ICE2: variants seen among roughly 807,000 people sequenced by gnomAD.
The protein encoded by ICE2 is little elongation complex subunit 2.
In ICE2, 87 loss-of-function variants were observed where a neutral mutation model predicts 105.4. The observed-to-expected ratio is 0.83, with a 90% CI of 0.69 to 0.99. The LOEUF (loss-of-function observed/expected upper bound fraction) is 0.99. ICE2 is among the 50% of genes least tolerant of loss of function. The pLI is 0.00. For missense variants in ICE2, 1,323 were observed against 1,146.7 expected (o/e 1.15, Z -2.22); for synonymous variants, 399 against 392.0 (o/e 1.02, Z -0.21).
chr15:60,433,974 G>A (rs2063521428), intron 13 of ICE2, among the ~76,000 whole-genome samples: 1 of 152,026 alleles, frequency 6.6e-6, no homozygotes, highest in Admixed American at 6.6e-5. Flanking sequence ...TTTAGATCTG[G>A]GACCCTTAAA....
chr15:60,434,094 T>A (rs919296712), intron 13 of ICE2, among the ~76,000 whole-genome samples: 1 of 152,226 alleles, frequency 6.6e-6, no homozygotes, highest in Admixed American at 6.5e-5. Flanking sequence ...CTTAGCTGTG[T>A]GCTCTAGGGC....
Position 60,442,443 on chromosome 15 carries a change from A to G in ICE2, c.2398T>C (p.Leu800=). ...ACATAAAATGAGCTGTTGGAATGCA[A>G]TAAACTTTCAGTCCATAAGCGACAA... ...ELCRLWTESL[L]HSNSSFYVGH... The change falls in exon 12 of 16, where the codon TTG becomes CTG. Residue 800 remains leucine, a synonymous_variant. Coordinates refer to ENST00000261520, the MANE Select transcript of ICE2 (RefSeq NM_024611.6). 1 of 1,591,404 alleles carries G rather than the reference A, an allele frequency of 6.3e-7. No individual in the cohort carries two copies. Among genetic ancestry groups the G allele is most frequent in the African/African-American group, 1.4e-5 (1 of 73,974 alleles).
chr15:60,445,413 CAG>C (rs1276808834), intron 11 of ICE2: 2 of 239,062 alleles, frequency 8.4e-6, no homozygotes, highest in Middle Eastern at 2.1e-3. Flanking sequence ...TTTGGACAAA[CAG>C]AGATGAATAG....
intron 3 of ICE2, among the ~76,000 whole-genome samples, chr15:60,474,338 T>C (rs1305794320): frequency 6.6e-6 from 1 of 152,080 alleles, no homozygotes; most frequent in Non-Finnish European, 1.5e-5. Flanking sequence ...TATATATACG[T>C]ACCCTCCACT....
chr15:60,468,685 C>T (rs1223677554), intron 3 of ICE2, among the ~76,000 whole-genome samples: 4 of 152,236 alleles, frequency 2.6e-5, no homozygotes, highest in East Asian at 3.9e-4. Context: ...TACTTAAATT[C>T]ATCACTAAGA....
intron 3 of ICE2, among the ~76,000 whole-genome samples, chr15:60,470,818 T>C (rs146560832): frequency 2.8e-3 from 429 of 152,264 alleles, no homozygotes; most frequent in African/African-American, 9.4e-3. Flanking sequence ...CTTATAGGTA[T>C]AGGATATATT....
At chr15:60,432,323 G>A (rs2063480755) in intron 13 of ICE2, among the ~76,000 whole-genome samples, 4 of 151,620 alleles carry the variant, frequency 2.6e-5, no homozygotes, top group Non-Finnish European at 4.4e-5. Flanking sequence ...AAATAGCTGG[G>A]ACTACAGGCA....
At chr15:60,437,432 T>G (rs1307124598) in intron 12 of ICE2, among the ~76,000 whole-genome samples, 1 of 151,164 alleles carries the variant, frequency 6.6e-6, no homozygotes, top group Non-Finnish European at 1.5e-5. Flanking sequence ...CCTCCTCAGT[T>G]CAAGCGATCC....
chr15:60,449,378 A>G lies in ICE2; in HGVS notation c.1589T>C (p.Met530Thr), dbSNP rs1191189038. Reference sequence around the variant, plus strand: ...ATCAGCATGTAATATATCTATAGTCATATCATTTTTATTAGAAGTTTCAAT... The same window carrying G: ...ATCAGCATGTAATATATCTATAGTCGTATCATTTTTATTAGAAGTTTCAAT... The part of the protein sequence containing the change: ...QEIETSNKND[M>T]TIDILHADGE... The change falls in exon 10 of 16, where the codon ATG becomes ACG. Residue 530 changes from methionine to threonine, a missense_variant. By Grantham distance (81) the Met-to-Thr change is moderately conservative (BLOSUM62 -1). Coordinates refer to ENST00000261520, the MANE Select transcript of ICE2 (RefSeq NM_024611.6). The G allele has an allele frequency of 1.9e-6, 3 of 1,613,024 alleles. No individual in the cohort carries two copies. Among genetic ancestry groups the G allele is most frequent in the Non-Finnish European group, 1.7e-6 (2 of 1,179,468 alleles).
chr15:60,440,706 T>A (rs1333205500), intron 12 of ICE2: 1 of 152,160 alleles, frequency 6.6e-6, no homozygotes, highest in Non-Finnish European at 1.5e-5. Context: ...TTCTTGAACA[T>A]CTTCCTTAAA....
intron 12 of ICE2, chr15:60,440,269 A>C (rs1298265236): frequency 2.0e-5 from 3 of 152,230 alleles, no homozygotes; most frequent in Non-Finnish European, 4.4e-5. Flanking sequence ...ATACACGGTC[A>C]TAACTAAAAC....
At chr15:60,468,833 CATT>C (rs1474073077) in intron 3 of ICE2, among the ~76,000 whole-genome samples, 3 of 152,180 alleles carry the variant, frequency 2.0e-5, no homozygotes, top group Non-Finnish European at 4.4e-5. Context: ...AAAATTCTAA[CATT>C]ATGCACCATA....
intron 3 of ICE2, among the ~76,000 whole-genome samples, chr15:60,474,199 A>G (rs2064689405): frequency 2.0e-5 from 3 of 152,120 alleles, no homozygotes; most frequent in Admixed American, 1.3e-4. Context: ...AGCCTGGACT[A>G]AAATTGTCTC....
chr15:60,430,071 C>A (rs1224785165), intron 14 of ICE2, among the ~76,000 whole-genome samples: 1 of 152,154 alleles, frequency 6.6e-6, no homozygotes, highest in Non-Finnish European at 1.5e-5. Flanking sequence ...GAATATGTTA[C>A]ATGGCCAAAG....
At position 60,476,076 on chromosome 15, in the gene ICE2, C is replaced by T. The variant is rs145938558; in HGVS notation, c.133G>A (p.Val45Ile). ...SMAPSLKELR[V>I]LSNRRIGENL... Reference sequence around the variant, plus strand: ...TAAACATATTACCTGTTGGATAAAACACGTAGTTCTTTTAAACTTGGAGCC... The same window carrying T: ...TAAACATATTACCTGTTGGATAAAATACGTAGTTCTTTTAAACTTGGAGCC... The change falls in exon 3 of 16, where the codon GTT becomes ATT. Residue 45 changes from valine (V) to isoleucine (I), a missense_variant. Val to Ile is a conservative substitution (Grantham distance 29). Transcript: ENST00000261520. 3.8e-6 allele frequency: 6 copies of T among 1,592,294 alleles called. No individual in the cohort carries two copies. The African/African-American group carries it at 8.1e-5, about 22-fold the overall frequency.
At chr15:60,470,905 G>A (rs764819329) in intron 3 of ICE2, among the ~76,000 whole-genome samples, 11 of 151,836 alleles carry the variant, frequency 7.2e-5, no homozygotes, top group South Asian at 2.1e-4. Context: ...ATAAATACCC[G>A]TCATAAAAAG....
intron 15 of ICE2, among the ~76,000 whole-genome samples, chr15:60,425,863 A>G (rs1174090172): frequency 6.6e-6 from 1 of 152,184 alleles, no homozygotes; most frequent in African/African-American, 2.4e-5. Flanking sequence ...TGGCCTAGCT[A>G]GGAGGTAGGG....
chr15:60,455,569 T>A, intron 6 of ICE2, 127 bp from the exon 7 acceptor site: 1 of 644,336 alleles, frequency 1.6e-6, no homozygotes, highest in Non-Finnish European at 2.6e-6. Context: ...ACATCAGATT[T>A]AGAAACTTTA....
At chr15:60,440,757 A>G (rs2063700770) in intron 12 of ICE2, 1 of 152,166 alleles carries the variant, frequency 6.6e-6, no homozygotes, top group Non-Finnish European at 1.5e-5. Context: ...TCAAAAACTC[A>G]GATGTTATCC....
Sources: gnomAD v4.1 joint callset for allele counts (sites outside exome capture counted in the v4.1 genomes callset) on GRCh38, gnomAD v4.1.1 for gene constraint, MANE v1.5 for transcripts, NCBI Gene and HGNC (gene_info 2026-07-23, HGNC 2026-07-21) for gene names.